Variants in PCDHA10 observed in about 807,000 individuals in gnomAD.
The protein encoded by PCDHA10 is protocadherin alpha-10.
Under a neutral mutation model 61.2 loss-of-function variants are expected in PCDHA10, and 45 were observed. The observed-to-expected ratio is 0.74, with a 90% CI of 0.58 to 0.94. The LOEUF is 0.94. Among genes scored for constraint, PCDHA10 ranks in the 40% least tolerant of loss-of-function variants. PCDHA10 has a pLI of 0.00. For synonymous variants in PCDHA10, 602 were observed against 548.8 expected, an observed-to-expected ratio of 1.10 and a Z score of -1.35; for missense variants, 1,278 against 1,236.2, an observed-to-expected ratio of 1.03 and a Z score of -0.51.
At chr5:140,961,604 T>C (rs2095623962) in intron 1 of PCDHA10, among the ~76,000 whole-genome samples, 1 of 152,190 alleles carries the variant, frequency 6.6e-6, no homozygotes, top group Non-Finnish European at 1.5e-5. Context: ...TTCTAGTAAA[T>C]GAAACTAAAG....
At chr5:140,912,511 T>C (rs2075947919) in intron 1 of PCDHA10, among the ~76,000 whole-genome samples, 1 of 152,158 alleles carries the variant, frequency 6.6e-6, no homozygotes, top group Non-Finnish European at 1.5e-5. Context: ...TGGATGAATC[T>C]TTAGGGTTTT....
chr5:140,941,181 G>C (rs2092747130), intron 1 of PCDHA10, among the ~76,000 whole-genome samples: 1 of 114,608 alleles, frequency 8.7e-6, no homozygotes, highest in African/African-American at 3.2e-5. Flanking sequence ...TGAACATCCT[G>C]CTTCTTTTTT....
intron 1 of PCDHA10, among the ~76,000 whole-genome samples, chr5:140,903,855 AAT>A (rs2070667296): frequency 6.6e-6 from 1 of 152,186 alleles, no homozygotes; most frequent in Non-Finnish European, 1.5e-5. Context: ...CTTAACAAAT[AAT>A]ATAGAGTAAA....
chr5:140,991,924 A>T (rs1028386420), intron 3 of PCDHA10, among the ~76,000 whole-genome samples: 1 of 152,140 alleles, frequency 6.6e-6, no homozygotes, highest in Non-Finnish European at 1.5e-5. Context: ...GTAACATAAC[A>T]TATTCACAAG....
chr5:140,868,930 G>T, intron 1 of PCDHA10: 8 of 1,085,624 alleles, frequency 7.4e-6, no homozygotes, highest in Non-Finnish European at 1.0e-5. Context: ...TTCATTTAAA[G>T]GTTGGTCTGA....
Position 140,987,904 on chromosome 5 carries a change from G to T in PCDHA10, c.2536+5341G>T, listed in dbSNP as rs115515462. 1.9e-3 allele frequency among the ~76,000 whole-genome samples: 290 copies of T among 151,852 alleles called. 1 individual carries two copies. The highest frequency in any genetic ancestry group is 7.0e-3 in the African/African-American group (288 of 41,412). On this transcript the variant is annotated intron_variant, in intron 3 of 3. Transcript: ENST00000307360. ...GTTTATGTGCCCTAGTTTTATATGG[G>T]GATTTATATTCTTAATTGTCTCAAG...
At chr5:141,008,410 A>G (rs782459591) in intron 3 of PCDHA10, among the ~76,000 whole-genome samples, 33 of 152,184 alleles carry the variant, frequency 2.2e-4, no homozygotes, top group Non-Finnish European at 3.7e-4. Context: ...TTCCAATGTC[A>G]TGGCCACTGG....
chr5:140,945,620 C>T (rs1451535910), intron 1 of PCDHA10, among the ~76,000 whole-genome samples: 2 of 152,092 alleles, frequency 1.3e-5, no homozygotes, highest in African/African-American at 4.8e-5. Context: ...CAGCATGGTA[C>T]TGGCATAAAA....
intron 1 of PCDHA10, among the ~76,000 whole-genome samples, chr5:140,957,228 T>C (rs1189952927): frequency 6.6e-6 from 1 of 152,148 alleles, no homozygotes; most frequent in Non-Finnish European, 1.5e-5. Flanking sequence ...TGGCGAAGCA[T>C]TTTGGCATGT....
intron 1 of PCDHA10, among the ~76,000 whole-genome samples, chr5:140,890,775 C>T (rs1583027889): frequency 1.3e-5 from 2 of 152,158 alleles, no homozygotes; most frequent in East Asian, 3.9e-4. Context: ...TTTAAAACCC[C>T]ATAAGATATT....
At chr5:140,921,616 A>C (rs1369093554) in intron 1 of PCDHA10, among the ~76,000 whole-genome samples, 1 of 152,222 alleles carries the variant, frequency 6.6e-6, no homozygotes, top group African/African-American at 2.4e-5. Flanking sequence ...GAAAAATATC[A>C]TCAGATCATC....
At chr5:140,890,829 T>A (rs1477608523) in intron 1 of PCDHA10, among the ~76,000 whole-genome samples, 1 of 152,226 alleles carries the variant, frequency 6.6e-6, no homozygotes, top group Non-Finnish European at 1.5e-5. Context: ...TGTACTTACA[T>A]ATTTACCAGT....
At chr5:140,870,552 G>T in intron 1 of PCDHA10, 4 of 1,614,042 alleles carry the variant, frequency 2.5e-6, no homozygotes, top group Non-Finnish European at 2.5e-6. Flanking sequence ...ACGCGGACGC[G>T]CAGGAGAACG....
At chr5:140,932,728 T>C (rs2088582843) in intron 1 of PCDHA10, among the ~76,000 whole-genome samples, 1 of 151,886 alleles carries the variant, frequency 6.6e-6, no homozygotes, top group African/African-American at 2.4e-5. Context: ...TTGTATAATA[T>C]AGACCCTCAA....
chr5:140,993,694 T>C (rs1192686372), intron 3 of PCDHA10, among the ~76,000 whole-genome samples: 1 of 152,186 alleles, frequency 6.6e-6, no homozygotes, highest in African/African-American at 2.4e-5. Flanking sequence ...TCCCATAAGA[T>C]TGTAATACCA....
chr5:140,927,948 C>G, intron 1 of PCDHA10: 4 of 1,614,190 alleles, frequency 2.5e-6, no homozygotes, highest in Non-Finnish European at 3.4e-6. Flanking sequence ...TACCTGAGGA[C>G]GCTGCCCCTG....
At chr5:140,866,540 C>T (rs920003585) in intron 1 of PCDHA10, 4 of 152,134 alleles carry the variant, frequency 2.6e-5, no homozygotes, top group Admixed American at 2.6e-4. Context: ...GAATTAGCAT[C>T]ACGGAATAAA....
At chr5:140,879,757 C>T (rs1312451493) in intron 1 of PCDHA10, among the ~76,000 whole-genome samples, 1 of 152,212 alleles carries the variant, frequency 6.6e-6, no homozygotes, top group African/African-American at 2.4e-5. Context: ...GCTATACTCT[C>T]TTTGGAGGCC....
At position 140,858,049 on chromosome 5, in the gene PCDHA10, G is replaced by T. The variant is rs181372488; in HGVS notation, c.2001G>T (p.Ser667=). 54 of 1,597,448 alleles carry T rather than the reference G, an allele frequency of 3.4e-5. 4 individuals carry two copies. Among genetic ancestry groups the T allele is most frequent in the Non-Finnish European group, 4.4e-5 (51 of 1,167,426 alleles). Residue 667 remains serine, a synonymous_variant, in exon 1 of 4, where the codon TCG becomes TCT. Coordinates refer to ENST00000307360, the MANE Select transcript of PCDHA10 (RefSeq NM_018901.4). ...SLTATATVLV[S]LVEGSQAPKA... ...CGGCCACGGCCACTGTGCTTGTGTC[G>T]CTTGTGGAGGGCAGCCAGGCACCCA... is the stretch of plus-strand genomic sequence containing the variant.
Sources: allele counts gnomAD v4.1 joint callset (sites outside exome capture counted in the v4.1 genomes callset), GRCh38; gene constraint gnomAD v4.1.1; transcripts MANE v1.5; gene names NCBI Gene and HGNC (gene_info 2026-07-23, HGNC 2026-07-21).